The following PIP5K1B variants were observed in gnomAD, a reference collection of about 807,000 sequenced individuals.
PIP5K1B encodes phosphatidylinositol 4-phosphate 5-kinase type-1 beta.
PIP5K1B carries 42 observed loss-of-function variants against 67.0 expected under a neutral mutation model. The observed-to-expected ratio is 0.63, with a 90% CI of 0.49 to 0.81. PIP5K1B has a LOEUF of 0.81. Among genes scored for constraint, PIP5K1B ranks in the 30% least tolerant of loss-of-function variants. PIP5K1B has a pLI of 0.00. For synonymous variants in PIP5K1B, 214 were observed against 231.4 expected (o/e 0.92, Z 0.68); for missense variants, 459 against 646.3 (o/e 0.71, Z 3.14).
At chr9:68,828,004 G>A (rs1564166463) in intron 4 of PIP5K1B, among the ~76,000 whole-genome samples, 1 of 152,146 alleles carries the variant, frequency 6.6e-6, no homozygotes, top group East Asian at 1.9e-4. Context: ...CATATGCCAG[G>A]TTACCTTGCA....
chr9:68,734,105 T>C (rs1440047893), intron 1 of PIP5K1B, among the ~76,000 whole-genome samples: 1 of 152,190 alleles, frequency 6.6e-6, no homozygotes, highest in African/African-American at 2.4e-5. Context: ...TTTTCAGCTA[T>C]AAAATGGGGG....
chr9:68,759,215 C>T (rs1315362756), intron 2 of PIP5K1B, among the ~76,000 whole-genome samples: 10 of 152,192 alleles, frequency 6.6e-5, no homozygotes, highest in Admixed American at 1.3e-4. Flanking sequence ...CTCTTTAGTT[C>T]TCTAAAATAT....
At chr9:68,945,184 G>A (rs1827743332) in intron 14 of PIP5K1B, among the ~76,000 whole-genome samples, 1 of 151,798 alleles carries the variant, frequency 6.6e-6, no homozygotes. Flanking sequence ...CTCGCGCTGT[G>A]GCCCAGGCTG....
At chr9:68,899,222 G>A (rs557319857) in intron 8 of PIP5K1B, among the ~76,000 whole-genome samples, 2 of 152,182 alleles carry the variant, frequency 1.3e-5, no homozygotes, top group East Asian at 1.9e-4. Flanking sequence ...TCACCTGCTC[G>A]TCTCAGGACT....
At chr9:68,949,225 T>G (rs1320413455) in intron 14 of PIP5K1B, among the ~76,000 whole-genome samples, 1 of 152,224 alleles carries the variant, frequency 6.6e-6, no homozygotes, top group Non-Finnish European at 1.5e-5. Flanking sequence ...TGGTAGTGGA[T>G]GTACCTTTGT....
intron 2 of PIP5K1B, among the ~76,000 whole-genome samples, chr9:68,817,621 G>A (rs1175930794): frequency 6.6e-6 from 1 of 151,626 alleles, no homozygotes; most frequent in African/African-American, 2.4e-5. Flanking sequence ...AAATGTGTGT[G>A]TGAAAAAGCA....
At chr9:68,716,475 G>GA (rs1280207375) in intron 1 of PIP5K1B, among the ~76,000 whole-genome samples, 1 of 152,104 alleles carries the variant, frequency 6.6e-6, no homozygotes, top group African/African-American at 2.4e-5. Context: ...CAAGAAACAT[G>GA]AAAAAATGCT....
At chr9:68,744,950 A>T (rs994769115) in intron 2 of PIP5K1B, among the ~76,000 whole-genome samples, 2 of 152,098 alleles carry the variant, frequency 1.3e-5, no homozygotes, top group Admixed American at 1.3e-4. Flanking sequence ...AGACCCTAAT[A>T]TATAGCCCTG....
Position 69,008,439 on chromosome 9 carries a change from C to A in PIP5K1B, c.1621-8C>A. 6.2e-7 allele frequency: 1 copy of A among 1,612,574 alleles called. No individual in the cohort carries two copies. The highest frequency in any genetic ancestry group is 8.5e-7 in the Non-Finnish European group (1 of 1,178,740). ...CTAGTCTCACACCTGCTTTTTTGCT[C>A]CCCCCAGTAAGTGAAAATGGTGATC... On this transcript the variant is annotated splice_region_variant and splice_polypyrimidine_tract_variant and intron_variant, in intron 15 of 15. Transcript: ENST00000265382.
intron 14 of PIP5K1B, among the ~76,000 whole-genome samples, chr9:68,966,065 A>G (rs1248201019): frequency 2.0e-5 from 3 of 152,114 alleles, no homozygotes; most frequent in East Asian, 1.9e-4. Flanking sequence ...AGAGCTCTCA[A>G]TAGCTAAAAT....
chr9:68,731,574 A>G (rs985368116), intron 1 of PIP5K1B, among the ~76,000 whole-genome samples: 1 of 152,188 alleles, frequency 6.6e-6, no homozygotes, highest in Non-Finnish European at 1.5e-5. Flanking sequence ...AATCGCAAAA[A>G]CAAATGTGTG....
At chr9:68,983,676 T>TA (rs1216565577) in intron 14 of PIP5K1B, among the ~76,000 whole-genome samples, 1 of 152,226 alleles carries the variant, frequency 6.6e-6, no homozygotes, top group Non-Finnish European at 1.5e-5. Flanking sequence ...AGCTCATGCC[T>TA]GTAATGGCAG....
chr9:68,979,541 A>AGCCCCCC (rs377079617), intron 14 of PIP5K1B, among the ~76,000 whole-genome samples: 1 of 1,692 alleles, frequency 5.9e-4, no homozygotes, highest in Admixed American at 7.7e-3. Context: ...TTTATATCCT[A>AGCCCCCC]TCACACACAG....
intron 14 of PIP5K1B, among the ~76,000 whole-genome samples, chr9:68,949,895 G>T (rs944667762): frequency 6.6e-6 from 1 of 152,188 alleles, no homozygotes; most frequent in African/African-American, 2.4e-5. Context: ...AACACGGTCC[G>T]AACAGTTGGC....
intron 4 of PIP5K1B, among the ~76,000 whole-genome samples, chr9:68,840,593 G>C (rs1193550725): frequency 6.6e-6 from 1 of 152,076 alleles, no homozygotes; most frequent in African/African-American, 2.4e-5. Context: ...TTTTCCACAG[G>C]GGCCACTTAC....
chr9:68,862,775 G>C (rs2132257792), intron 4 of PIP5K1B, among the ~76,000 whole-genome samples: 1 of 151,428 alleles, frequency 6.6e-6, no homozygotes, highest in East Asian at 1.9e-4. Flanking sequence ...CTGGGCGACA[G>C]AGTAAGATGC....
chr9:68,857,789 C>G (rs897158967), intron 4 of PIP5K1B, among the ~76,000 whole-genome samples: 2 of 152,074 alleles, frequency 1.3e-5, no homozygotes, highest in Non-Finnish European at 2.9e-5. Flanking sequence ...ATGGCTTGAG[C>G]CCAGGAGTTT....
chr9:68,793,533 G>C (rs1832117491), intron 2 of PIP5K1B, among the ~76,000 whole-genome samples: 1 of 152,146 alleles, frequency 6.6e-6, no homozygotes, highest in Non-Finnish European at 1.5e-5. Flanking sequence ...TAGATTTAAG[G>C]TGGGCATAAG....
chr9:68,885,018 C>CTCCAATGTCCCA (rs1188000263), intron 6 of PIP5K1B, among the ~76,000 whole-genome samples: 108 of 152,308 alleles, frequency 7.1e-4, no homozygotes, highest in Admixed American at 2.0e-3. Context: ...CCCATGTCCA[C>CTCCAATGTCCCA]TGCAGCATTA....
Sources: allele counts gnomAD v4.1 joint callset (sites outside exome capture counted in the v4.1 genomes callset), GRCh38; gene constraint gnomAD v4.1.1; transcripts MANE v1.5; gene names NCBI Gene and HGNC (gene_info 2026-07-23, HGNC 2026-07-21).